Variants in GLI2 observed in about 807,000 individuals in gnomAD.
GLI2 encodes GLI family zinc finger 2.
A neutral mutation model predicts 78.9 loss-of-function variants in GLI2; 22 were observed. That is an observed-to-expected ratio of 0.28 (90% CI 0.20 to 0.40). The LOEUF (loss-of-function observed/expected upper bound fraction) is 0.40, where lower values mean the gene tolerates loss of function less well. GLI2 is among the 10% of genes least tolerant of loss of function. The pLI is 1.00. For missense variants in GLI2, 2,097 were observed against 2,213.2 expected (o/e 0.95, Z 1.05); for synonymous variants, 974 against 963.7 (o/e 1.01, Z -0.20).
At chr2:120,823,659 T>A (rs929829464) in intron 2 of GLI2, among the ~76,000 whole-genome samples, 3 of 152,162 alleles carry the variant, frequency 2.0e-5, no homozygotes, top group Non-Finnish European at 4.4e-5. Context: ...TCGGAATCCT[T>A]CCCTGATTCT....
Position 120,821,646 on chromosome 2 carries a change from C to T in GLI2, c.148+24178C>T, listed in dbSNP as rs553457427. ...GGTCCACTGCCCTTCCTCACCCTCT[C>T]GTCTTTCTAATAAACAGAGGGGAGG... On this transcript the variant is annotated intron_variant, in intron 2 of 13. Coordinates refer to ENST00000361492, the MANE Select transcript of GLI2 (RefSeq NM_001374353.1). 3.9e-5 allele frequency among the ~76,000 whole-genome samples: 6 copies of T among 152,312 alleles called. No homozygotes were observed. In the South Asian group the frequency reaches 8.3e-4, roughly 21 times the overall value.
intron 3 of GLI2, among the ~76,000 whole-genome samples, chr2:120,945,981 A>ACACACACACACACACT: frequency 6.6e-6 from 1 of 151,788 alleles, no homozygotes; most frequent in African/African-American, 2.4e-5. Flanking sequence ...ACACACACAC[A>ACACACACACACACACT]CACACACACA....
intron 1 of GLI2, among the ~76,000 whole-genome samples, chr2:120,753,402 C>T (rs1484493271): frequency 2.6e-5 from 4 of 152,038 alleles, no homozygotes; most frequent in Admixed American, 1.3e-4. Context: ...GGCCTCTCTA[C>T]GGATTTTAAT....
rs778193084 is a variant in GLI2 at position 120,974,910 on chromosome 2, C to T, written c.1183-65C>T. On this transcript the variant is annotated intron_variant, in intron 8 of 13. Coordinates refer to ENST00000361492, the MANE Select transcript of GLI2 (RefSeq NM_001374353.1). ...GGCACAGAATGCATGGGACTAACAG[C>T]GACCTCTTTTCAGGGCCAGGTGTCT... 16 of 1,613,600 alleles carry T rather than the reference C, an allele frequency of 9.9e-6. No homozygotes were observed. Among genetic ancestry groups the T allele is most frequent in the East Asian group, 2.2e-5 (1 of 44,890 alleles).
At position 120,754,245 on chromosome 2, in the gene GLI2, G is replaced by C. The variant is rs544632611; in HGVS notation, c.-31+17960G>C. Among the ~76,000 whole-genome samples the C allele has an allele frequency of 2.0e-5, 3 of 152,296 alleles. No homozygotes were observed. In the South Asian group the frequency reaches 6.2e-4, roughly 32 times the overall value. On this transcript the variant is annotated intron_variant, in intron 1 of 13. Coordinates refer to ENST00000361492, the MANE Select transcript of GLI2 (RefSeq NM_001374353.1). Reference sequence around the variant, plus strand: ...ATCTGCCCATATCCACATCAACAGGGAGTGTTATCAAACTTGTCGATCCTT... The same window carrying C: ...ATCTGCCCATATCCACATCAACAGGCAGTGTTATCAAACTTGTCGATCCTT...
intron 2 of GLI2, among the ~76,000 whole-genome samples, chr2:120,797,762 G>A (rs548211590): frequency 6.6e-6 from 1 of 152,104 alleles, no homozygotes; most frequent in Non-Finnish European, 1.5e-5. Context: ...GGAGGGGCAT[G>A]GTCGCTGCCA....
intron 2 of GLI2, among the ~76,000 whole-genome samples, chr2:120,915,376 C>T (rs574206536): frequency 6.6e-6 from 1 of 152,186 alleles, no homozygotes; most frequent in African/African-American, 2.4e-5. Context: ...TTCCTCCCCC[C>T]ACGTTTTTCC....
In GLI2 at chr2:120,845,471, G is replaced by T. The variant is rs560026695; in HGVS notation, c.148+48003G>T. 2.8e-3 allele frequency among the ~76,000 whole-genome samples: 426 copies of T among 152,306 alleles called. 1 individual carries two copies. The highest frequency in any genetic ancestry group is 9.7e-3 in the African/African-American group (404 of 41,572). The stretch of plus-strand genomic sequence containing the variant: ...GGCCCAGGCACGCCCACGTGGGCCT[G>T]GACTTTCTGCCGTGCTCACATGCTG... On this transcript the variant is annotated intron_variant, in intron 2 of 13. Transcript: ENST00000361492.
intron 3 of GLI2, among the ~76,000 whole-genome samples, chr2:120,938,874 G>A (rs7601286): frequency 0.84 from 127,315 of 152,102 alleles, 57,371 homozygotes; most frequent in East Asian, 1. Flanking sequence ...CCCTGTAGCC[G>A]TCCTGCTCCC....
chr2:120,852,658 C>A (rs1209189115), intron 2 of GLI2, among the ~76,000 whole-genome samples: 1 of 152,182 alleles, frequency 6.6e-6, no homozygotes, highest in Admixed American at 6.5e-5. Context: ...CTCCTGCCTC[C>A]CCAGCCCACT....
At chr2:120,798,325 C>G (rs1411880709) in intron 2 of GLI2, among the ~76,000 whole-genome samples, 1 of 152,058 alleles carries the variant, frequency 6.6e-6, no homozygotes, top group Non-Finnish European at 1.5e-5. Context: ...TGGTGGAGAC[C>G]CCGATTCAAT....
chr2:120,853,707 A>G (rs1053836680), intron 2 of GLI2, among the ~76,000 whole-genome samples: 1 of 152,162 alleles, frequency 6.6e-6, no homozygotes, highest in Non-Finnish European at 1.5e-5. Context: ...AAAGACGCAC[A>G]TGGTTTCTGT....
chr2:120,868,074 C>G (rs534491668), intron 2 of GLI2, among the ~76,000 whole-genome samples: 19 of 152,336 alleles, frequency 1.2e-4, no homozygotes, highest in African/African-American at 4.3e-4. Flanking sequence ...TCTCGGGGTA[C>G]CAGTGAGAAC....
intron 8 of GLI2, among the ~76,000 whole-genome samples, chr2:120,973,372 C>T (rs375601002): frequency 3.3e-5 from 5 of 152,330 alleles, no homozygotes; most frequent in South Asian, 2.1e-4. Context: ...GGCCACACGC[C>T]GGTAGGGCCC....
At chr2:120,971,752 T>C (rs1306615577) in intron 7 of GLI2, among the ~76,000 whole-genome samples, 189 bp from the exon 8 acceptor site, 2 of 152,210 alleles carry the variant, frequency 1.3e-5, no homozygotes, top group Non-Finnish European at 2.9e-5. Flanking sequence ...TGCCCAGGTC[T>C]GGGTGCTCTC....
At chr2:120,887,562 G>T (rs981765311) in intron 2 of GLI2, among the ~76,000 whole-genome samples, 5 of 152,264 alleles carry the variant, frequency 3.3e-5, no homozygotes, top group African/African-American at 1.2e-4. Context: ...CCATTCAAAA[G>T]AGGCGGTGCA....
chr2:120,789,606 G>A (rs575304756), intron 1 of GLI2, among the ~76,000 whole-genome samples: 8 of 152,320 alleles, frequency 5.3e-5, no homozygotes, highest in East Asian at 1.9e-4. Context: ...AGCATATACT[G>A]CCTTGGACTT....
chr2:120,872,615 A>C (rs1688522879), intron 2 of GLI2, among the ~76,000 whole-genome samples: 1 of 152,248 alleles, frequency 6.6e-6, no homozygotes, highest in African/African-American at 2.4e-5. Context: ...TAGCCCAGTG[A>C]TCAGGAGCAC....
intron 1 of GLI2, among the ~76,000 whole-genome samples, chr2:120,760,168 C>A (rs1325412893): frequency 6.6e-6 from 1 of 152,126 alleles, no homozygotes; most frequent in Non-Finnish European, 1.5e-5. Flanking sequence ...GGCCCTGGCC[C>A]CCGTGGGCCT....
Sources: gnomAD v4.1 joint callset for allele counts (sites outside exome capture counted in the v4.1 genomes callset) on GRCh38, gnomAD v4.1.1 for gene constraint, MANE v1.5 for transcripts, NCBI Gene and HGNC (gene_info 2026-07-23, HGNC 2026-07-21) for gene names.